The following GAR1 variants were observed in gnomAD, a reference collection of about 807,000 sequenced individuals.
GAR1 encodes GAR1 ribonucleoprotein.
In GAR1, 11 loss-of-function variants were observed where a neutral mutation model predicts 29.3. The ratio of observed to expected loss-of-function variants is 0.38; its 90% CI spans 0.24 to 0.62. GAR1 has a LOEUF of 0.62. Among genes scored for constraint, GAR1 ranks in the 20% least tolerant of loss-of-function variants. The pLI, the probability that GAR1 is intolerant of heterozygous loss-of-function variation, is 0.62. For synonymous variants in GAR1, 87 were observed against 93.3 expected (o/e 0.93, Z 0.39); for missense variants, 237 against 268.4 (o/e 0.88, Z 0.82).
intron 4 of GAR1, among the ~76,000 whole-genome samples, chr4:109,820,375 G>A (rs1290658872): frequency 1.3e-5 from 2 of 152,010 alleles, no homozygotes; most frequent in African/African-American, 2.4e-5. Context: ...TGAGGTTGAG[G>A]TACTTGTGAG....
At chr4:109,821,117 T>C (rs1428256640) in intron 4 of GAR1, among the ~76,000 whole-genome samples, 5 of 152,182 alleles carry the variant, frequency 3.3e-5, no homozygotes, top group African/African-American at 9.7e-5. Flanking sequence ...TTACCCAGCC[T>C]GCGTTATTGT....
intron 2 of GAR1, 74 bp downstream of exon 2, chr4:109,816,452 G>T: frequency 7.2e-7 from 1 of 1,392,684 alleles, no homozygotes; most frequent in Non-Finnish European, 1.0e-6. Flanking sequence ...TAGGCAGCAA[G>T]TTTGGGATAC....
rs1332401693 is a variant in GAR1 at position 109,816,277 on chromosome 4, G to A, written c.113G>A (p.Gly38Asp). The A allele has an allele frequency of 5.0e-6, 8 of 1,611,264 alleles. No homozygotes were observed. Among genetic ancestry groups the A allele is most frequent in the Non-Finnish European group, 6.8e-6 (8 of 1,179,014 alleles). Residue 38 changes from glycine (G) to aspartate (D), a missense_variant, in exon 2 of 7, where the codon GGC becomes GAC. Transcript: ENST00000226796. ...CGAGGTGGAGGCGGCGGTGGAGGCG[G>A]CGGCAATTTCAGAGGCGGCGGCAGG... is the stretch of plus-strand genomic sequence containing the variant. ...HFRGGGGGGG[G>D]GNFRGGGRGG...
At chr4:109,824,298 T>A in intron 6 of GAR1, 120 bp from the exon 7 acceptor site, 1 of 696,274 alleles carries the variant, frequency 1.4e-6, no homozygotes, top group Admixed American at 2.4e-5. Flanking sequence ...TTAAATTTGG[T>A]AAAGTATGTT....
At position 109,824,409 on chromosome 4, in the gene GAR1, C is replaced by G. The variant is rs1396034461; in HGVS notation, c.641-9C>G. On this transcript the variant is annotated splice_polypyrimidine_tract_variant and intron_variant, in intron 6 of 6. Coordinates refer to ENST00000226796, the MANE Select transcript of GAR1 (RefSeq NM_018983.4). The stretch of plus-strand genomic sequence containing the variant: ...TGTGCCCTTAATACTTTAATTTTCT[C>G]TTAATCAGGGAGAGGACATTAAGTG... The G allele has an allele frequency of 1.3e-6, 2 of 1,578,804 alleles. No homozygotes were observed. The highest frequency in any genetic ancestry group is 1.7e-6 in the Non-Finnish European group (2 of 1,148,286).
chr4:109,819,246 T>G, intron 4 of GAR1, 186 bp downstream of exon 4: 1 of 596,444 alleles, frequency 1.7e-6, no homozygotes, highest in Non-Finnish European at 3.0e-6. Flanking sequence ...GATACAGCCT[T>G]TAGAAAGTAA....
intron 4 of GAR1, among the ~76,000 whole-genome samples, chr4:109,819,846 A>G (rs896543229): frequency 3.3e-5 from 5 of 152,244 alleles, no homozygotes; most frequent in Admixed American, 1.3e-4. Flanking sequence ...ACAAAAAGGC[A>G]GACATATAGG....
Position 109,816,356 on chromosome 4 carries a change from A to G in GAR1, c.192A>G (p.Gln64=), listed in dbSNP as rs1318243015. Residue 64 remains glutamine (Q), a synonymous_variant, in exon 2 of 7, where the codon CAA becomes CAG. Transcript: ENST00000226796. ...GAGGCTTTAACAAAGGCCAAGACCA[A>G]GGACCTCCAGAACGTGTAGTCTGTA... ...GRGGFNKGQD[Q]GPPERVVLLG... is the part of the protein sequence containing the mutation. 2 of 1,613,988 alleles carry G rather than the reference A, an allele frequency of 1.2e-6. No individual in the cohort carries two copies. The highest frequency in any genetic ancestry group is 2.2e-5 in the East Asian group (1 of 44,878).
intron 4 of GAR1, among the ~76,000 whole-genome samples, 178 bp from the exon 5 acceptor site, chr4:109,822,155 TAAAAAAAAAAAAAA>T (rs59097048): frequency 1.2e-3 from 118 of 101,648 alleles, no homozygotes; most frequent in Non-Finnish European, 1.8e-3. Flanking sequence ...GAACTTAAGG[TAAAAAAAAAAAAAA>T]AAAAAAAAAA....
At chr4:109,824,083 T>G in intron 6 of GAR1, 50 bp downstream of exon 6, 1 of 1,199,516 alleles carries the variant, frequency 8.3e-7, no homozygotes, top group African/African-American at 1.5e-5. Flanking sequence ...AAATTGATAT[T>G]ATCTGGCATT....
At chr4:109,822,046 G>C (rs779947870) in intron 4 of GAR1, among the ~76,000 whole-genome samples, 1 of 151,138 alleles carries the variant, frequency 6.6e-6, no homozygotes, top group Non-Finnish European at 1.5e-5. Flanking sequence ...CGATGCATAC[G>C]GGGCTTAAAA....
At chr4:109,821,924 C>G (rs978753081) in intron 4 of GAR1, among the ~76,000 whole-genome samples, 1 of 151,650 alleles carries the variant, frequency 6.6e-6, no homozygotes, top group Non-Finnish European at 1.5e-5. Context: ...TGTTCTCACT[C>G]GTAAGTGAGA....
chr4:109,818,056 A>G lies in GAR1; in HGVS notation c.335A>G (p.Lys112Arg), dbSNP rs143266987. 3.8e-4 allele frequency: 618 copies of G among 1,606,406 alleles called. No individual in the cohort carries two copies. The highest frequency in any genetic ancestry group is 4.8e-4 in the Non-Finnish European group (570 of 1,176,884). ...TTAGAAAACAAAGAACAAATTGGAAAAGTGGATGAAATATTTGGACAACTC... is the reference window on the plus strand; with the variant it reads ...TTAGAAAACAAAGAACAAATTGGAAGAGTGGATGAAATATTTGGACAACTC... ...VYLENKEQIG[K>R]VDEIFGQLRD... Residue 112 changes from lysine to arginine, a missense_variant, in exon 3 of 7, where the codon AAA (lysine) becomes AGA (arginine). Coordinates refer to ENST00000226796, the MANE Select transcript of GAR1 (RefSeq NM_018983.4).
chr4:109,816,473 G>A, intron 2 of GAR1, 95 bp downstream of exon 2: 1 of 1,163,298 alleles, frequency 8.6e-7, no homozygotes, highest in Non-Finnish European at 1.3e-6. Flanking sequence ...ACAAGCCTGT[G>A]TGGAGAATGT....
Position 109,824,657 on chromosome 4 carries a change from CTG to C in GAR1, c.*229_*230del, listed in dbSNP as rs149401830. The C allele has an allele frequency of 0.016, 6,574 of 422,898 alleles. 261 individuals carry two copies. Among genetic ancestry groups the C allele is most frequent in the African/African-American group, 0.1 (4,892 of 48,800 alleles). The allele number at this position is 422,898 out of a possible 1,614,324, so 26.2% of individuals were successfully genotyped here. ...AATGTTTTGTACAGTGCCTGGCACT[CTG>C]TGGGTGCTCAATAAATGGATAGGAG... On this transcript the variant is annotated 3_prime_UTR_variant, in exon 7 of 7. Coordinates refer to ENST00000226796, the MANE Select transcript of GAR1 (RefSeq NM_018983.4).
At chr4:109,819,156 A>G (rs1193967598) in intron 4 of GAR1, 96 bp downstream of exon 4, 1 of 772,434 alleles carries the variant, frequency 1.3e-6, no homozygotes, top group South Asian at 1.4e-5. Flanking sequence ...CTTTCCCAAC[A>G]TATCACTAGT....
Position 109,816,287 on chromosome 4 carries a change from C to T in GAR1, c.123C>T (p.Phe41=), listed in dbSNP as rs1375416736. The T allele has an allele frequency of 1.2e-5, 19 of 1,611,188 alleles. No individual in the cohort carries two copies. The highest frequency in any genetic ancestry group is 6.6e-5 in the South Asian group (6 of 90,832). Residue 41 remains phenylalanine (F), a synonymous_variant, in exon 2 of 7, where the codon TTC becomes TTT. Coordinates refer to ENST00000226796, the MANE Select transcript of GAR1 (RefSeq NM_018983.4). Reference sequence around the variant, plus strand: ...GCGGCGGTGGAGGCGGCGGCAATTTCAGAGGCGGCGGCAGGGGAGGATTTG... The same window carrying T: ...GCGGCGGTGGAGGCGGCGGCAATTTTAGAGGCGGCGGCAGGGGAGGATTTG... ...GGGGGGGGGN[F]RGGGRGGFGR...
Position 109,819,406 on chromosome 4 carries a change from G to A in GAR1, c.429+346G>A, listed in dbSNP as rs539609334. ...GTAAAACTTACGTTATTTGAGAGGC[G>A]GTAGGTACTAAGTGATTTCACAAGA... On this transcript the variant is annotated intron_variant, in intron 4 of 6. Coordinates refer to ENST00000226796, the MANE Select transcript of GAR1 (RefSeq NM_018983.4). The A allele has an allele frequency of 3.7e-5, 11 of 294,550 alleles. 1 individual carries two copies. Among genetic ancestry groups the A allele is most frequent in the East Asian group, 1.1e-4 (1 of 9,312 alleles). 18.2% of individuals were successfully genotyped at this position (294,550 alleles called of 1,614,324 possible).
In GAR1 at chr4:109,822,154, G is replaced by GT. The variant is rs1338157492; in HGVS notation, c.430-192dup. On this transcript the variant is annotated intron_variant, in intron 4 of 6. Coordinates refer to ENST00000226796, the MANE Select transcript of GAR1 (RefSeq NM_018983.4). ...CTGCACATGTATCCCAGAACTTAAG[G>GT]TAAAAAAAAAAAAAAAAAAAAAAAA... 6.8e-4 allele frequency among the ~76,000 whole-genome samples: 26 copies of GT among 38,062 alleles called. 4 individuals carry two copies. The highest frequency in any genetic ancestry group is 1.6e-3 in the African/African-American group (23 of 14,704). The allele number at this position is 38,062 out of a possible 152,430, so 25.0% of individuals were successfully genotyped here.
Sources: gnomAD v4.1 joint callset for allele counts (sites outside exome capture counted in the v4.1 genomes callset) on GRCh38, gnomAD v4.1.1 for gene constraint, MANE v1.5 for transcripts, NCBI Gene and HGNC (gene_info 2026-07-23, HGNC 2026-07-21) for gene names.